Variants in YWHAE observed in about 807,000 individuals in gnomAD.
The protein encoded by YWHAE is 14-3-3 protein epsilon.
YWHAE carries 4 observed loss-of-function variants against 30.1 expected under a neutral mutation model. The ratio of observed to expected loss-of-function variants is 0.13; its 90% CI spans 0.07 to 0.30. The LOEUF (loss-of-function observed/expected upper bound fraction) is 0.30, where lower values mean the gene tolerates loss of function less well. YWHAE is among the 10% of genes least tolerant of loss of function. YWHAE has a pLI of 1.00. For synonymous variants in YWHAE, 118 were observed against 111.8 expected, an observed-to-expected ratio of 1.06 and a Z score of -0.35; for missense variants, 121 against 315.9, an observed-to-expected ratio of 0.38 and a Z score of 4.68.
chr17:1,353,437 C>CAAAA (rs554293231), intron 5 of YWHAE, among the ~76,000 whole-genome samples: 2 of 87,866 alleles, frequency 2.3e-5, no homozygotes, highest in African/African-American at 6.1e-5. Context: ...GACTCCATCT[C>CAAAA]AAAAAAAAAA....
At chr17:1,348,673 C>T (rs1039022591) in intron 5 of YWHAE, among the ~76,000 whole-genome samples, 5 of 152,150 alleles carry the variant, frequency 3.3e-5, no homozygotes, top group Non-Finnish European at 5.9e-5. Context: ...TTCTGCCTCA[C>T]CTTGCTGAAC....
At chr17:1,380,326 G>A (rs957305166) in intron 1 of YWHAE, among the ~76,000 whole-genome samples, 1 of 152,082 alleles carries the variant, frequency 6.6e-6, no homozygotes, top group African/African-American at 2.4e-5. Flanking sequence ...TGACCAGGAT[G>A]GTCTCGAACT....
chr17:1,367,983 G>C (rs1164406985), intron 1 of YWHAE, among the ~76,000 whole-genome samples: 1 of 152,140 alleles, frequency 6.6e-6, no homozygotes, highest in Non-Finnish European at 1.5e-5. Context: ...GGGTGCTGTG[G>C]CTCACACCTG....
chr17:1,378,949 CAAA>C (rs71373922), intron 1 of YWHAE, among the ~76,000 whole-genome samples: 3 of 94,980 alleles, frequency 3.2e-5, no homozygotes, highest in African/African-American at 3.9e-5. Flanking sequence ...AACTCTGTCT[CAAA>C]AAAAAAAAAA....
rs1802758 is a variant in YWHAE, at chr17:1,364,967, C to T, written c.156G>A (p.Val52=). 1.2e-6 allele frequency: 2 copies of T among 1,614,162 alleles called. No individual in the cohort carries two copies. The highest frequency in any genetic ancestry group is 2.2e-5 in the South Asian group (2 of 91,082). Reference sequence around the variant, plus strand: ...TCCAGGAGGCTCTTCTAGCTCCAATCACATTCTTATATGCAACAGATAGGA... The same window carrying T: ...TCCAGGAGGCTCTTCTAGCTCCAATTACATTCTTATATGCAACAGATAGGA... ...RNLLSVAYKN[V]IGARRASWRI... The change falls in exon 2 of 6, where the codon GTG becomes GTA. Residue 52 remains valine, a synonymous_variant. Coordinates refer to ENST00000264335, the MANE Select transcript of YWHAE (RefSeq NM_006761.5).
chr17:1,382,851 C>T (rs1204622269), intron 1 of YWHAE, among the ~76,000 whole-genome samples: 1 of 151,724 alleles, frequency 6.6e-6, no homozygotes, highest in Non-Finnish European at 1.5e-5. Context: ...CTGGCGAAAC[C>T]CCATCTCTAC....
At chr17:1,377,835 G>C (rs1177958195) in intron 1 of YWHAE, among the ~76,000 whole-genome samples, 1 of 152,140 alleles carries the variant, frequency 6.6e-6, no homozygotes, top group Non-Finnish European at 1.5e-5. Flanking sequence ...GATCACCTGA[G>C]GTCAGGAGTT....
rs566156642 is a variant in YWHAE, at chr17:1,388,517, C to G, written c.64+11530G>C. 3.2e-3 allele frequency among the ~76,000 whole-genome samples: 479 copies of G among 147,800 alleles called. 3 individuals carry two copies. The highest frequency in any genetic ancestry group is 0.012 in the African/African-American group (464 of 39,614). On this transcript the variant is annotated intron_variant, in intron 1 of 5. Transcript: ENST00000264335. ...CCAGCCTGGGCAACAGAGCAAGACT[C>G]TGTCTCAAAAAAAAAAAAAGTGCTA...
intron 1 of YWHAE, 70 bp from the exon 2 acceptor site, chr17:1,365,128 T>C: frequency 6.7e-7 from 1 of 1,488,120 alleles, no homozygotes; most frequent in Non-Finnish European, 9.1e-7. Context: ...TTCAAAGTAG[T>C]TTTTTTCTGT....
intron 4 of YWHAE, among the ~76,000 whole-genome samples, chr17:1,357,357 C>T (rs552335086): frequency 5.7e-4 from 80 of 140,608 alleles, no homozygotes; most frequent in Non-Finnish European, 9.8e-4. Context: ...GAGCCGAGAT[C>T]GCGCTACTGC....
Position 1,360,533 on chromosome 17 carries a change from G to A in YWHAE, c.578+559C>T, listed in dbSNP as rs1038834293. Among the ~76,000 whole-genome samples, 4 of 152,188 alleles carry A rather than the reference G, an allele frequency of 2.6e-5. 1 individual carries two copies. The East Asian group carries it at 5.8e-4, about 22-fold the overall frequency. On this transcript the variant is annotated intron_variant, in intron 4 of 5. Transcript: ENST00000264335. ...TCTCAGCACTTTGGGAGGCGAAGGC[G>A]GGCGGATCACTTGAGGTCAGGAGTT... is the stretch of plus-strand genomic sequence containing the variant.
At chr17:1,384,743 T>C (rs2150871383) in intron 1 of YWHAE, among the ~76,000 whole-genome samples, 1 of 152,148 alleles carries the variant, frequency 6.6e-6, no homozygotes, top group East Asian at 2.0e-4. Context: ...TTTTCTCTTG[T>C]TGCTCAGGCT....
intron 1 of YWHAE, among the ~76,000 whole-genome samples, chr17:1,387,071 T>C (rs1367433882): frequency 2.0e-5 from 3 of 152,220 alleles, no homozygotes; most frequent in Non-Finnish European, 2.9e-5. Context: ...AAGACAATCT[T>C]TTACCAAGAT....
intron 5 of YWHAE, among the ~76,000 whole-genome samples, chr17:1,352,626 A>G (rs996782801): frequency 6.6e-6 from 1 of 151,908 alleles, no homozygotes; most frequent in Non-Finnish European, 1.5e-5. Context: ...CCTGGGTTTA[A>G]GCAATTCTCC....
intron 1 of YWHAE, among the ~76,000 whole-genome samples, chr17:1,368,563 CA>C (rs11285222): frequency 0.89 from 90,866 of 102,510 alleles, 39,815 homozygotes; most frequent in East Asian, 0.95. Context: ...GACTCTGTCT[CA>C]AAAAAAAAAA....
chr17:1,352,088 C>T (rs1484717362), intron 5 of YWHAE: 2 of 151,930 alleles, frequency 1.3e-5, no homozygotes, highest in East Asian at 1.9e-4. Context: ...CGGCATAGGA[C>T]AGATTTTCCA....
At position 1,400,034 on chromosome 17, in the gene YWHAE, C is replaced by G. The variant is rs759668475; in HGVS notation, c.64+13G>C. On this transcript the variant is annotated intron_variant, in intron 1 of 5. Coordinates refer to ENST00000264335, the MANE Select transcript of YWHAE (RefSeq NM_006761.5). ...TCCGAGAATTCCAGCCCCCCGTTGC[C>G]CCCCCAACTCACCGTCGTATCGCTC... 1 of 1,612,886 alleles carries G rather than the reference C, an allele frequency of 6.2e-7. No homozygotes were observed. The highest frequency in any genetic ancestry group is 1.3e-5 in the African/African-American group (1 of 74,876).
At chr17:1,368,383 A>G (rs1298487805) in intron 1 of YWHAE, among the ~76,000 whole-genome samples, 1 of 151,704 alleles carries the variant, frequency 6.6e-6, no homozygotes, top group Non-Finnish European at 1.5e-5. Context: ...TCTCAAAAAA[A>G]GGAAAAAAAA....
At chr17:1,393,445 T>C (rs908544870) in intron 1 of YWHAE, among the ~76,000 whole-genome samples, 7 of 152,210 alleles carry the variant, frequency 4.6e-5, no homozygotes, top group African/African-American at 1.7e-4. Flanking sequence ...GCTTTTCTTT[T>C]CTTGAGACAG....
Sources: gnomAD v4.1 joint callset for allele counts (sites outside exome capture counted in the v4.1 genomes callset) on GRCh38, gnomAD v4.1.1 for gene constraint, MANE v1.5 for transcripts, NCBI Gene and HGNC (gene_info 2026-07-23, HGNC 2026-07-21) for gene names.